ZKSCAN4: variants seen among roughly 807,000 people sequenced by gnomAD.
ZKSCAN4 encodes zinc finger with KRAB and SCAN domains 4, also known as zinc finger protein with KRAB and SCAN domains 4.
Under a neutral mutation model 30.8 loss-of-function variants are expected in ZKSCAN4, and 23 were observed. The observed-to-expected ratio is 0.75, with a 90% confidence interval of 0.54 to 1.06. ZKSCAN4 has a LOEUF of 1.06. Among genes scored for constraint, ZKSCAN4 ranks in the 50% least tolerant of loss-of-function variants. ZKSCAN4 has a pLI of 0.00. For synonymous variants in ZKSCAN4, 208 were observed against 252.5 expected, an observed-to-expected ratio of 0.82 and a Z score of 1.67; for missense variants, 556 against 665.4, an observed-to-expected ratio of 0.84 and a Z score of 1.81.
chr6:28,256,696 C>T (rs1282387312), upstream of ZKSCAN4, among the ~76,000 whole-genome samples: 1 of 152,100 alleles, frequency 6.6e-6, no homozygotes, highest in African/African-American at 2.4e-5. Context: ...AATAAAAGCC[C>T]ATCCTCCCAT....
Position 28,251,314 on chromosome 6 carries a change from TTA to T in ZKSCAN4, c.423+242_423+243del. ...CCACATATATGACTTTAATACAAATTTAATTCTTTGCTAACTGTATGTCAATA... is the reference window on the plus strand; with the variant it reads ...CCACATATATGACTTTAATACAAATTATTCTTTGCTAACTGTATGTCAATA... On this transcript the variant is annotated intron_variant, in intron 1 of 4. Transcript: ENST00000377294. This position sits in a 1 kb window ranked among gnomAD's most constrained non-coding sequence, Gnocchi z 4.5. The T allele has an allele frequency of 1.7e-6, 1 of 597,958 alleles. No homozygotes were observed. The highest frequency in any genetic ancestry group is 2.1e-5 in the South Asian group (1 of 47,740). 37.0% of individuals were successfully genotyped at this position (597,958 alleles called of 1,614,324 possible).
rs1561856097 is a variant in ZKSCAN4, at chr6:28,245,423, T to C, written c.1331A>G (p.Asn444Ser). The stretch of plus-strand genomic sequence containing the variant: ...CCTCTGATGTCTCAGGAGATGTGAA[T>C]TCCGCCTAAAGGCTTTGCCACACAT... ...CNMCGKAFRR[N>S]SHLLRHQRIH... Residue 444 changes from asparagine (N) to serine (S), a missense_variant, in exon 5 of 5, where the codon AAT (asparagine) becomes AGT (serine). By Grantham distance (46) the Asn-to-Ser change is conservative. Transcript: ENST00000377294. The C allele has an allele frequency of 6.2e-7, 1 of 1,614,268 alleles. No individual in the cohort carries two copies. Among genetic ancestry groups the C allele is most frequent in the Non-Finnish European group, 8.5e-7 (1 of 1,180,046 alleles).
Position 28,244,224 on chromosome 6 carries a change from G to GT in ZKSCAN4, c.*891dup, listed in dbSNP as rs1224090239. Among the ~76,000 whole-genome samples, 2 of 152,122 alleles carry GT rather than the reference G, an allele frequency of 1.3e-5. No individual in the cohort carries two copies. The highest frequency in any genetic ancestry group is 2.9e-5 in the Non-Finnish European group (2 of 68,026). ...TTGGTCGGCCCAAGATAACTAAAAG[G>GT]TAAGAAACAAGATGGTAAGTGTTAC... On this transcript the variant is annotated 3_prime_UTR_variant, in exon 5 of 5. Transcript: ENST00000377294.
chr6:28,254,344 AGG>A (rs1761119942), upstream of ZKSCAN4, among the ~76,000 whole-genome samples: 3 of 152,216 alleles, frequency 2.0e-5, no homozygotes, highest in Admixed American at 6.5e-5. Flanking sequence ...TTTCTAGAAA[AGG>A]GGTATTACCT....
Position 28,251,422 on chromosome 6 carries a change from C to T in ZKSCAN4, c.423+136G>A, listed in dbSNP as rs760818064. The stretch of plus-strand genomic sequence containing the variant: ...TCTGAGAAGGAGTCCAGGGACTTCA[C>T]CTTACTGCCAAGGAGGTTCACAGTA... On this transcript the variant is annotated intron_variant, in intron 1 of 4. Transcript: ENST00000377294. The surrounding 1 kb of genome is among the most constrained non-coding windows in gnomAD (Gnocchi z 4.5). The T allele has an allele frequency of 7.6e-6, 11 of 1,447,252 alleles. No individual in the cohort carries two copies. Among genetic ancestry groups the T allele is most frequent in the Non-Finnish European group, 2.9e-6 (3 of 1,049,876 alleles). The allele number at this position is 1,447,252 out of a possible 1,614,324, so 89.7% of individuals were successfully genotyped here. A position where few individuals can be genotyped will look rare whatever the true frequency, so the allele number is the denominator to read the frequency against.
chr6:28,251,460 A>C lies in ZKSCAN4; in HGVS notation c.423+98T>G, dbSNP rs1414393607. ...GAGGTTCACAGTACAAAAAGAGATG[A>C]AGAACTCCTGGACCTTAAAGGAATG... On this transcript the variant is annotated intron_variant, in intron 1 of 4. Coordinates refer to ENST00000377294, the MANE Select transcript of ZKSCAN4 (RefSeq NM_019110.5). The surrounding 1 kb of genome is among the most constrained non-coding windows in gnomAD (Gnocchi z 4.5). 2.5e-6 allele frequency: 4 copies of C among 1,595,172 alleles called. No homozygotes were observed. The Admixed American group carries it at 5.3e-5, about 21-fold the overall frequency.
rs1760896174 is a variant in ZKSCAN4 at position 28,249,613 on chromosome 6, G to C, written c.571+74C>G. On this transcript the variant is annotated intron_variant, in intron 2 of 4. Transcript: ENST00000377294. The surrounding 1 kb of genome is among the most constrained non-coding windows in gnomAD (Gnocchi z 4.1). ...TGAGTATATAAAGTAACTGTAAATG[G>C]ATCTTTTAGGTGATCCTTAAATGAA... 1 of 1,528,160 alleles carries C rather than the reference G, an allele frequency of 6.5e-7. No homozygotes were observed. The highest frequency in any genetic ancestry group is 2.0e-5 in the Admixed American group (1 of 49,822). The allele number at this position is 1,528,160 out of a possible 1,614,324, so 94.7% of individuals were successfully genotyped here.
intron 3 of ZKSCAN4, 60 bp downstream of exon 3, chr6:28,248,007 C>A: frequency 7.8e-7 from 1 of 1,286,762 alleles, no homozygotes. Context: ...GAACTTAATG[C>A]GGAGCCCAAC....
At chr6:28,246,836 A>G in intron 4 of ZKSCAN4, 133 bp downstream of exon 4, 7 of 1,085,116 alleles carry the variant, frequency 6.5e-6, no homozygotes, top group Non-Finnish European at 9.1e-6. Flanking sequence ...GCTAGTAGTC[A>G]GTAACAGGCT....
Position 28,244,802 on chromosome 6 carries a change from A to T in ZKSCAN4, c.*314T>A, listed in dbSNP as rs972741923. The T allele has an allele frequency of 5.0e-6, 2 of 398,250 alleles. No individual in the cohort carries two copies. Among genetic ancestry groups the T allele is most frequent in the Admixed American group, 3.8e-5 (1 of 26,660 alleles). 24.7% of individuals were successfully genotyped at this position (398,250 alleles called of 1,614,324 possible). A position where few individuals can be genotyped will look rare whatever the true frequency, so the allele number is the denominator to read the frequency against. ...CCCCACATCAGAGCCATCCAACCAGATGTCCTAAAGTGCTGGCTGAGGGCA... is the reference window on the plus strand; with the variant it reads ...CCCCACATCAGAGCCATCCAACCAGTTGTCCTAAAGTGCTGGCTGAGGGCA... On this transcript the variant is annotated 3_prime_UTR_variant, in exon 5 of 5. Coordinates refer to ENST00000377294, the MANE Select transcript of ZKSCAN4 (RefSeq NM_019110.5).
At position 28,241,944 on chromosome 6, in the gene ZKSCAN4, C is replaced by T. The variant is rs1004776685; in HGVS notation, c.*3172G>A. Reference sequence around the variant, plus strand: ...AGAAAGTCTTTTGCAGAATTATATACGTCTTTGCCAAAATTAAGAACAAAT... The same window carrying T: ...AGAAAGTCTTTTGCAGAATTATATATGTCTTTGCCAAAATTAAGAACAAAT... On this transcript the variant is annotated 3_prime_UTR_variant, in exon 5 of 5. Coordinates refer to ENST00000377294, the MANE Select transcript of ZKSCAN4 (RefSeq NM_019110.5). Among the ~76,000 whole-genome samples, 8 of 152,070 alleles carry T rather than the reference C, an allele frequency of 5.3e-5. No individual in the cohort carries two copies. The highest frequency in any genetic ancestry group is 1.3e-4 in the Admixed American group (2 of 15,254).
Position 28,249,961 on chromosome 6 carries a change from C to G in ZKSCAN4, c.424-127G>C, listed in dbSNP as rs1760918098. ...TAACACAATTAATATAGATAACAAC[C>G]CTGTGAGCTATTATTTTGGATTTTT... On this transcript the variant is annotated intron_variant, in intron 1 of 4. Coordinates refer to ENST00000377294, the MANE Select transcript of ZKSCAN4 (RefSeq NM_019110.5). This position sits in a 1 kb window ranked among gnomAD's most constrained non-coding sequence, Gnocchi z 4.1. The G allele has an allele frequency of 9.4e-7, 1 of 1,063,526 alleles. No individual in the cohort carries two copies. 65.9% of individuals were successfully genotyped at this position (1,063,526 alleles called of 1,614,324 possible). A position where few individuals can be genotyped will look rare whatever the true frequency, so the allele number is the denominator to read the frequency against.
At position 28,251,046 on chromosome 6, in the gene ZKSCAN4, TAGAA is replaced by T. The variant is rs1166541282; in HGVS notation, c.423+508_423+511del. ...CTTTCTCCCAAGTGGTCCATGAACT[TAGAA>T]AGGACAAAAACTAATCTTATTTTTA... is the stretch of plus-strand genomic sequence containing the variant. On this transcript the variant is annotated intron_variant, in intron 1 of 4. Transcript: ENST00000377294. This position sits in a 1 kb window ranked among gnomAD's most constrained non-coding sequence, Gnocchi z 4.5. 1.3e-5 allele frequency among the ~76,000 whole-genome samples: 2 copies of T among 152,324 alleles called. No individual in the cohort carries two copies. Among genetic ancestry groups the T allele is most frequent in the Admixed American group, 6.5e-5 (1 of 15,310 alleles).
chr6:28,251,335 G>T lies in ZKSCAN4; in HGVS notation c.423+223C>A. On this transcript the variant is annotated intron_variant, in intron 1 of 4. Coordinates refer to ENST00000377294, the MANE Select transcript of ZKSCAN4 (RefSeq NM_019110.5). The surrounding 1 kb of genome is among the most constrained non-coding windows in gnomAD (Gnocchi z 4.5). ...AAATTTAATTCTTTGCTAACTGTAT[G>T]TCAATATAGTTGTGTTCTTTTGTAA... The T allele has an allele frequency of 1.5e-6, 1 of 684,332 alleles. No individual in the cohort carries two copies. Among genetic ancestry groups the T allele is most frequent in the Non-Finnish European group, 2.4e-6 (1 of 412,928 alleles). 42.4% of individuals were successfully genotyped at this position (684,332 alleles called of 1,614,324 possible). A position where few individuals can be genotyped will look rare whatever the true frequency, so the allele number is the denominator to read the frequency against.
chr6:28,257,571 C>T, the ZKSCAN4 span, among the ~76,000 whole-genome samples: 1 of 152,162 alleles, frequency 6.6e-6, no homozygotes, highest in African/African-American at 2.4e-5. Flanking sequence ...AAACAGTTAT[C>T]TCTTCCTTGG....
upstream of ZKSCAN4, among the ~76,000 whole-genome samples, chr6:28,254,417 A>G (rs1761122685): frequency 6.6e-6 from 1 of 152,190 alleles, no homozygotes; most frequent in Non-Finnish European, 1.5e-5. Context: ...TGCCATGGCA[A>G]TGGTAACTGA....
rs1019575550 is a variant in ZKSCAN4, at chr6:28,252,108, A to T, written c.-128T>A. On this transcript the variant is annotated 5_prime_UTR_variant, in exon 1 of 5. Transcript: ENST00000377294. Reference sequence around the variant, plus strand: ...CCCCTCCTGTCATGCCCAGGGGCCCAGGACACCCCCTGAGGCGCAGCTGCA... The same window carrying T: ...CCCCTCCTGTCATGCCCAGGGGCCCTGGACACCCCCTGAGGCGCAGCTGCA... The T allele has an allele frequency of 6.9e-5, 71 of 1,035,046 alleles. No individual in the cohort carries two copies. The highest frequency in any genetic ancestry group is 9.4e-5 in the Non-Finnish European group (68 of 722,374). The allele number at this position is 1,035,046 out of a possible 1,614,324, so 64.1% of individuals were successfully genotyped here.
chr6:28,251,636 C>T lies in ZKSCAN4; in HGVS notation c.345G>A (p.Glu115=). The change falls in exon 1 of 5, where the codon GAG becomes GAA. Residue 115 remains glutamate, a synonymous_variant. Transcript: ENST00000377294. The surrounding 1 kb of genome is among the most constrained non-coding windows in gnomAD (Gnocchi z 4.5). The part of the protein sequence containing the change: ...LPGNLQSWVR[E]QHPESGEEVV... ...CCTCCTCCCCGCTCTCTGGATGCTG[C>T]TCCCGCACCCAGCTCTGCAGATTCC... The T allele has an allele frequency of 6.2e-7, 1 of 1,614,196 alleles. No individual in the cohort carries two copies. Among genetic ancestry groups the T allele is most frequent in the Non-Finnish European group, 8.5e-7 (1 of 1,180,024 alleles).
the ZKSCAN4 span, chr6:28,259,201 A>G: frequency 3.5e-6 from 2 of 572,306 alleles, no homozygotes; most frequent in African/African-American, 3.8e-5. Context: ...AGAAGCCTTC[A>G]CGCAGCCAAG....
Sources: gnomAD v4.1 joint callset for allele counts (sites outside exome capture counted in the v4.1 genomes callset) on GRCh38, gnomAD v4.1.1 for gene constraint, Gnocchi (gnomAD v3.1) non-coding constraint, MANE v1.5 for transcripts, NCBI Gene and HGNC (gene_info 2026-07-23, HGNC 2026-07-21) for gene names.